Variants in MIER1 observed in about 807,000 individuals in gnomAD.
MIER1 encodes MIER1 transcriptional regulator.
A neutral mutation model predicts 75.7 loss-of-function variants in MIER1; 40 were observed. The ratio of observed to expected loss-of-function variants is 0.53; its 90% confidence interval spans 0.41 to 0.69. The LOEUF is 0.69. MIER1 is among the 30% of genes least tolerant of loss of function. The pLI is 0.00. For synonymous variants in MIER1, 213 were observed against 223.4 expected (o/e 0.95, Z 0.42); for missense variants, 574 against 680.2 (o/e 0.84, Z 1.74).
intron 10 of MIER1, among the ~76,000 whole-genome samples, chr1:66,972,237 T>TATATATATATATATATATATACACTAC (rs1663799638): frequency 3.1e-4 from 15 of 48,078 alleles, no homozygotes; most frequent in African/African-American, 1.3e-3. Context: ...ATACACTACA[T>TATATATATATATATATATATACACTAC]ATATATATAT....
At chr1:66,970,722 T>C in intron 8 of MIER1, 86 bp from the exon 9 acceptor site, 3 of 1,027,448 alleles carry the variant, frequency 2.9e-6, no homozygotes, top group Non-Finnish European at 2.8e-6. Flanking sequence ...AACATTTGGC[T>C]CTGAGTTGTT....
Position 66,986,757 on chromosome 1 carries a change from G to GTTTTTGTTTTACTTAAACTTTTACTTTA in MIER1, c.*1874_*1875insCTTTTACTTTATTTTTGTTTTACTTAAA, listed in dbSNP as rs1666838367. The stretch of plus-strand genomic sequence containing the variant: ...TGTTGAGAAGTATGAGTTTTTTGTT[G>GTTTTTGTTTTACTTAAACTTTTACTTTA]TTTTTGTTTTACTTAAAACTTTTAA... On this transcript the variant is annotated 3_prime_UTR_variant, in exon 14 of 14. Transcript: ENST00000401041. The GTTTTTGTTTTACTTAAACTTTTACTTTA allele has an allele frequency of 3.5e-6, 1 of 289,242 alleles. No individual in the cohort carries two copies. The highest frequency in any genetic ancestry group is 5.1e-5 in the Admixed American group (1 of 19,794). 17.9% of individuals were successfully genotyped at this position (289,242 alleles called of 1,614,324 possible).
chr1:66,972,235 C>CATATATAT (rs71058486), intron 10 of MIER1, among the ~76,000 whole-genome samples: 136 of 63,716 alleles, frequency 2.1e-3, no homozygotes, highest in African/African-American at 9.9e-3. Context: ...ATATACACTA[C>CATATATAT]ATATATATAT....
chr1:66,931,760 G>T (rs1206894442), intron 2 of MIER1, among the ~76,000 whole-genome samples: 1 of 152,154 alleles, frequency 6.6e-6, no homozygotes, highest in Non-Finnish European at 1.5e-5. Flanking sequence ...TCGGTACCTG[G>T]ATTTTAGTCC....
chr1:66,971,404 C>A (rs7537490), intron 9 of MIER1, among the ~76,000 whole-genome samples: 17,409 of 151,876 alleles, frequency 0.11, 2,404 homozygotes, highest in African/African-American at 0.34. Flanking sequence ...AAAATGAATT[C>A]TTTTTAGTCC....
intron 8 of MIER1, among the ~76,000 whole-genome samples, chr1:66,969,044 T>G (rs1663012180): frequency 6.6e-6 from 1 of 152,214 alleles, no homozygotes; most frequent in African/African-American, 2.4e-5. Flanking sequence ...CAGATTCATT[T>G]TATCATGGTA....
chr1:66,963,697 C>T (rs1035577665), intron 8 of MIER1, among the ~76,000 whole-genome samples: 1 of 152,092 alleles, frequency 6.6e-6, no homozygotes, highest in African/African-American at 2.4e-5. Flanking sequence ...ATCATGAGGT[C>T]AGGAGTTCGA....
chr1:66,980,060 G>A (rs1009406985), intron 12 of MIER1, among the ~76,000 whole-genome samples: 7 of 152,256 alleles, frequency 4.6e-5, no homozygotes, highest in South Asian at 2.1e-4. Context: ...CACCACACCC[G>A]GCCTTGCTTT....
At chr1:66,979,261 G>A (rs1393791051) in intron 12 of MIER1, among the ~76,000 whole-genome samples, 3 of 152,114 alleles carry the variant, frequency 2.0e-5, no homozygotes, top group Non-Finnish European at 4.4e-5. Flanking sequence ...ATCTCTTTCT[G>A]TTAATAGCTG....
intron 5 of MIER1, 87 bp from the exon 6 acceptor site, chr1:66,958,764 A>G: frequency 8.9e-7 from 1 of 1,127,936 alleles, no homozygotes; most frequent in Non-Finnish European, 1.3e-6. Context: ...TCTTCTGCAT[A>G]TATTAGAACA....
intron 2 of MIER1, among the ~76,000 whole-genome samples, chr1:66,931,661 A>G (rs1191884512): frequency 1.3e-5 from 2 of 152,110 alleles, no homozygotes; most frequent in African/African-American, 4.8e-5. Flanking sequence ...TGGTGGTTAA[A>G]GAATTGTATT....
At chr1:66,938,999 C>T (rs539137290) in intron 2 of MIER1, among the ~76,000 whole-genome samples, 1 of 152,072 alleles carries the variant, frequency 6.6e-6, no homozygotes, top group Non-Finnish European at 1.5e-5. Flanking sequence ...GAGAATTTCC[C>T]TCTTTTCTGT....
chr1:66,937,322 A>T (rs896963667), intron 2 of MIER1, among the ~76,000 whole-genome samples: 2 of 152,182 alleles, frequency 1.3e-5, no homozygotes, highest in Non-Finnish European at 1.5e-5. Flanking sequence ...ATGGTGGCTC[A>T]TGCCTGTAAT....
chr1:66,977,628 C>T (rs1214694391), intron 12 of MIER1, among the ~76,000 whole-genome samples: 1 of 152,150 alleles, frequency 6.6e-6, no homozygotes, highest in African/African-American at 2.4e-5. Context: ...GTCTACACCT[C>T]ATTCAGTCTA....
At chr1:66,970,288 A>G (rs1663337066) in intron 8 of MIER1, among the ~76,000 whole-genome samples, 1 of 152,184 alleles carries the variant, frequency 6.6e-6, no homozygotes, top group East Asian at 1.9e-4. Context: ...CATAAAGTAA[A>G]ATTTACTTCA....
chr1:66,929,263 G>T (rs1570018943), intron 2 of MIER1: 2 of 347,262 alleles, frequency 5.8e-6, no homozygotes, highest in Middle Eastern at 3.7e-4. Context: ...GTTGATTTTG[G>T]TAGCCACTTT....
Position 66,970,975 on chromosome 1 carries a change from A to G in MIER1, c.924+16A>G. On this transcript the variant is annotated intron_variant, in intron 9 of 13. Coordinates refer to ENST00000401041, the MANE Select transcript of MIER1 (RefSeq NM_001077700.3). ...CAATGAACAGGTCTGTGAAAGAAAC[A>G]ACTGTTAGAACTTTGCCATACACAT... The G allele has an allele frequency of 6.4e-7, 1 of 1,562,490 alleles. No individual in the cohort carries two copies. The highest frequency in any genetic ancestry group is 8.6e-7 in the Non-Finnish European group (1 of 1,164,440).
In MIER1 at chr1:66,986,312, C is replaced by T; in HGVS notation, c.*1412C>T. On this transcript the variant is annotated 3_prime_UTR_variant, in exon 14 of 14. Transcript: ENST00000401041. ...GCCATTTTATTTTTAGTGCTAAATT[C>T]TTGTTAAATAATGTAGTTTTATATA... is the stretch of plus-strand genomic sequence containing the variant. 1 of 1,516,196 alleles carries T rather than the reference C, an allele frequency of 6.6e-7. No individual in the cohort carries two copies. Among genetic ancestry groups the T allele is most frequent in the Non-Finnish European group, 8.8e-7 (1 of 1,140,224 alleles). The allele number at this position is 1,516,196 out of a possible 1,614,324, so 93.9% of individuals were successfully genotyped here. A position where few individuals can be genotyped will look rare whatever the true frequency, so the allele number is the denominator to read the frequency against.
At chr1:66,971,132 G>A (rs951597151) in intron 9 of MIER1, among the ~76,000 whole-genome samples, 173 bp downstream of exon 9, 1 of 152,080 alleles carries the variant, frequency 6.6e-6, no homozygotes. Flanking sequence ...CTTCATTGGT[G>A]TGAAGCTCAA....
Sources: gnomAD v4.1 joint callset for allele counts (sites outside exome capture counted in the v4.1 genomes callset) on GRCh38, gnomAD v4.1.1 for gene constraint, MANE v1.5 for transcripts, NCBI Gene and HGNC (gene_info 2026-07-23, HGNC 2026-07-21) for gene names.